Variants in PPFIBP2 observed in about 807,000 individuals in gnomAD.
PPFIBP2 encodes PPFIB scaffold protein 2.
In PPFIBP2, 118 loss-of-function variants were observed where a neutral mutation model predicts 118.3. The ratio of observed to expected loss-of-function variants is 1.00; its 90% confidence interval spans 0.86 to 1.16. The LOEUF (loss-of-function observed/expected upper bound fraction) is 1.16. Ranked by LOEUF, PPFIBP2 falls within the 50% of genes most tolerant of loss-of-function variation. The probability of loss-of-function intolerance (pLI) is 0.00; values close to 1 mark genes in which losing one functional copy is unlikely to be tolerated. For synonymous variants in PPFIBP2, 414 were observed against 397.4 expected (o/e 1.04, Z -0.50); for missense variants, 1,195 against 1,073.1 (o/e 1.11, Z -1.59).
At chr11:7,582,052 G>A (rs554455599) in intron 3 of PPFIBP2, among the ~76,000 whole-genome samples, 2 of 152,172 alleles carry the variant, frequency 1.3e-5, no homozygotes, top group South Asian at 4.2e-4. Context: ...TAGCCAGTCT[G>A]GTCTCGAACT....
chr11:7,539,260 T>G (rs763808560), intron 1 of PPFIBP2: 3 of 152,484 alleles, frequency 2.0e-5, no homozygotes, highest in Non-Finnish European at 4.4e-5. Context: ...ACAGGATATC[T>G]CGCTGTGTTG....
At chr11:7,657,559 T>A (rs1425891300), downstream of PPFIBP2, among the ~76,000 whole-genome samples, 1 of 152,188 alleles carries the variant, frequency 6.6e-6, no homozygotes, top group Admixed American at 6.5e-5. Context: ...GGAAGGCCCT[T>A]GAGCACCTCA....
chr11:7,596,350 G>T (rs867642525), intron 4 of PPFIBP2, among the ~76,000 whole-genome samples: 1 of 150,768 alleles, frequency 6.6e-6, no homozygotes, highest in South Asian at 2.1e-4. Context: ...AAAGGTTTGC[G>T]TGTAAGGTGG....
At chr11:7,553,838 T>A (rs911034160) in intron 2 of PPFIBP2, among the ~76,000 whole-genome samples, 1 of 152,182 alleles carries the variant, frequency 6.6e-6, no homozygotes, top group African/African-American at 2.4e-5. Flanking sequence ...TCCAGGCTCC[T>A]TTTATTCCTG....
the PPFIBP2 span, among the ~76,000 whole-genome samples, chr11:7,663,103 G>A: frequency 6.2e-5 from 8 of 129,314 alleles, 1 homozygote; most frequent in East Asian, 4.0e-4. Context: ...ATGTCCTCCC[G>A]TAGCTCAGAG....
intron 3 of PPFIBP2, among the ~76,000 whole-genome samples, chr11:7,575,011 A>C (rs374186982): frequency 6.6e-6 from 1 of 150,794 alleles, no homozygotes; most frequent in Non-Finnish European, 1.5e-5. Flanking sequence ...CCTACCCTGC[A>C]CCCCCCACCT....
intron 5 of PPFIBP2, among the ~76,000 whole-genome samples, chr11:7,605,475 A>G (rs1847224909): frequency 6.6e-6 from 1 of 152,248 alleles, no homozygotes; most frequent in African/African-American, 2.4e-5. Context: ...TAGATAGCAC[A>G]AATTTGTACA....
At chr11:7,609,946 G>T (rs902341237) in intron 5 of PPFIBP2, among the ~76,000 whole-genome samples, 1 of 151,784 alleles carries the variant, frequency 6.6e-6, no homozygotes, top group South Asian at 2.1e-4. Context: ...AGGACCTACT[G>T]CTTTGTCTTT....
At chr11:7,536,324 G>GCC (rs1851212250) in intron 1 of PPFIBP2, among the ~76,000 whole-genome samples, 1 of 152,190 alleles carries the variant, frequency 6.6e-6, no homozygotes, top group African/African-American at 2.4e-5. Flanking sequence ...CACTGGGGGT[G>GCC]TCAGAGAGCA....
chr11:7,664,678 G>C, the PPFIBP2 span, among the ~76,000 whole-genome samples: 1 of 152,094 alleles, frequency 6.6e-6, no homozygotes, highest in Non-Finnish European at 1.5e-5. Flanking sequence ...ACCAAGAAGG[G>C]CCTTGGGAGC....
intron 3 of PPFIBP2, among the ~76,000 whole-genome samples, chr11:7,581,820 TATAG>T (rs527705965): frequency 2.6e-4 from 40 of 151,992 alleles, no homozygotes; most frequent in South Asian, 4.1e-4. Flanking sequence ...TAAACAATTC[TATAG>T]ATAGATAGAT....
Position 7,549,546 on chromosome 11 carries a change from C to A in PPFIBP2, c.64+7C>A. ...ATGGACGGGATCATTGCAGGTACGCCCAGGGAACCCCAGCAACCAAGGTCT... is the reference window on the plus strand; with the variant it reads ...ATGGACGGGATCATTGCAGGTACGCACAGGGAACCCCAGCAACCAAGGTCT... On this transcript the variant is annotated splice_region_variant and intron_variant, in intron 2 of 23. Coordinates refer to ENST00000299492, the MANE Select transcript of PPFIBP2 (RefSeq NM_003621.5). The A allele has an allele frequency of 6.5e-7, 1 of 1,548,588 alleles. No individual in the cohort carries two copies. Among genetic ancestry groups the A allele is most frequent in the African/African-American group, 1.4e-5 (1 of 72,120 alleles).
At chr11:7,573,471 C>T (rs1855893750) in intron 3 of PPFIBP2, among the ~76,000 whole-genome samples, 1 of 152,224 alleles carries the variant, frequency 6.6e-6, no homozygotes, top group East Asian at 1.9e-4. Context: ...CAGCCACACA[C>T]TGGTTTAGGT....
chr11:7,565,949 G>A (rs1001392725), intron 3 of PPFIBP2, among the ~76,000 whole-genome samples, 182 bp downstream of exon 3: 2 of 152,148 alleles, frequency 1.3e-5, no homozygotes, highest in African/African-American at 4.8e-5. Flanking sequence ...CCAGTCAAGC[G>A]ACTTAAGCTA....
chr11:7,610,360 C>T lies in PPFIBP2; in HGVS notation c.556C>T (p.Leu186Phe). 1 of 1,614,192 alleles carries T rather than the reference C, an allele frequency of 6.2e-7. No individual in the cohort carries two copies. Among genetic ancestry groups the T allele is most frequent in the African/African-American group, 1.3e-5 (1 of 75,058 alleles). The change falls in exon 6 of 24, where the codon CTC becomes TTC. Residue 186 changes from leucine to phenylalanine, a missense_variant. Transcript: ENST00000299492. The part of the protein sequence containing the change: ...DLMTEVSELK[L>F]KLVGMEKEQR... ...GATGACTGAAGTGTCTGAGCTGAAG[C>T]TCAAGCTGGTTGGCATGGAGAAGGA...
At chr11:7,554,141 A>G (rs1000457978) in intron 2 of PPFIBP2, among the ~76,000 whole-genome samples, 6 of 152,198 alleles carry the variant, frequency 3.9e-5, no homozygotes, top group African/African-American at 1.2e-4. Context: ...CATGATGTCA[A>G]GTAGTGCCAC....
chr11:7,643,427 A>C (rs185985393), intron 17 of PPFIBP2, among the ~76,000 whole-genome samples: 1 of 152,320 alleles, frequency 6.6e-6, no homozygotes, highest in African/African-American at 2.4e-5. Flanking sequence ...GTATTCTGAC[A>C]GTCACTTTAG....
At chr11:7,621,150 C>T (rs1046607380) in intron 7 of PPFIBP2, 123 bp downstream of exon 7, 55 of 706,842 alleles carry the variant, frequency 7.8e-5, no homozygotes, top group East Asian at 2.2e-4. Context: ...CCAGTGTGGA[C>T]ACACAGCAGT....
At chr11:7,655,629 C>A, downstream of PPFIBP2, 1 of 698,872 alleles carries the variant, frequency 1.4e-6, no homozygotes, top group Non-Finnish European at 2.1e-6. Context: ...GGGTCACAGC[C>A]TGAGCCTGAG....
Sources: gnomAD v4.1 joint callset for allele counts (sites outside exome capture counted in the v4.1 genomes callset) on GRCh38, gnomAD v4.1.1 for gene constraint, MANE v1.5 for transcripts, NCBI Gene and HGNC (gene_info 2026-07-23, HGNC 2026-07-21) for gene names.